Variants in PRKCE observed in about 807,000 individuals in gnomAD.
The protein encoded by PRKCE is protein kinase C epsilon type.
Under a neutral mutation model 85.4 loss-of-function variants are expected in PRKCE, and 16 were observed. The observed-to-expected ratio is 0.19, with a 90% CI of 0.13 to 0.28. PRKCE has a LOEUF of 0.28. PRKCE is among the 10% of genes least tolerant of loss of function. PRKCE has a pLI of 1.00. For missense variants in PRKCE, 573 were observed against 975.2 expected, an observed-to-expected ratio of 0.59 and a Z score of 5.49; for synonymous variants, 388 against 371.5, an observed-to-expected ratio of 1.04 and a Z score of -0.51.
At chr2:45,935,573 G>A (rs543433850) in intron 2 of PRKCE, among the ~76,000 whole-genome samples, 44 of 152,252 alleles carry the variant, frequency 2.9e-4, no homozygotes, top group African/African-American at 1.0e-3. Flanking sequence ...GATCACTTGA[G>A]GCCAGGAGTT....
intron 2 of PRKCE, among the ~76,000 whole-genome samples, chr2:45,885,874 T>C: frequency 6.6e-6 from 1 of 152,350 alleles, no homozygotes; most frequent in South Asian, 2.1e-4. Context: ...AATCTTATTT[T>C]AAGTGCACGA....
chr2:45,881,905 C>G (rs1019674571), intron 2 of PRKCE, among the ~76,000 whole-genome samples: 13 of 152,156 alleles, frequency 8.5e-5, no homozygotes, highest in Non-Finnish European at 5.9e-5. Flanking sequence ...TCGAAGACCC[C>G]TGGAGCATGT....
intron 2 of PRKCE, among the ~76,000 whole-genome samples, chr2:45,876,873 T>G (rs1238102154): frequency 6.6e-6 from 1 of 152,246 alleles, no homozygotes; most frequent in Non-Finnish European, 1.5e-5. Flanking sequence ...TGTAGCCTAA[T>G]CTGGCTTTTT....
chr2:46,153,978 G>A (rs866563350), intron 13 of PRKCE, among the ~76,000 whole-genome samples: 1 of 151,924 alleles, frequency 6.6e-6, no homozygotes, highest in East Asian at 1.9e-4. Context: ...GTAGAGGCAG[G>A]GTTTCACCGT....
chr2:45,868,927 C>T (rs1381472154), intron 2 of PRKCE, among the ~76,000 whole-genome samples: 2 of 146,012 alleles, frequency 1.4e-5, no homozygotes, highest in Non-Finnish European at 3.0e-5. Context: ...CACTGCACTC[C>T]AGCCTGAGTG....
At chr2:46,028,153 G>A (rs549217182) in intron 10 of PRKCE, among the ~76,000 whole-genome samples, 1 of 152,114 alleles carries the variant, frequency 6.6e-6, no homozygotes, top group Non-Finnish European at 1.5e-5. Flanking sequence ...TGCTGGCCAG[G>A]CCGGTCTCAA....
At chr2:46,161,950 T>A (rs1353291668) in intron 14 of PRKCE, among the ~76,000 whole-genome samples, 3 of 151,238 alleles carry the variant, frequency 2.0e-5, no homozygotes, top group Non-Finnish European at 4.4e-5. Flanking sequence ...AGAACAGGGG[T>A]GAGGTGAACA....
chr2:45,835,963 C>G (rs548339371), intron 1 of PRKCE, among the ~76,000 whole-genome samples: 19 of 152,236 alleles, frequency 1.2e-4, no homozygotes, highest in Admixed American at 2.6e-4. Context: ...ATTCATTTAC[C>G]TGTTGTTGGA....
intron 2 of PRKCE, among the ~76,000 whole-genome samples, chr2:45,893,058 T>A (rs1695855596): frequency 1.3e-5 from 2 of 152,182 alleles, no homozygotes; most frequent in Admixed American, 1.3e-4. Flanking sequence ...ATGGGCTGAC[T>A]GTTTGCGACC....
intron 14 of PRKCE, chr2:46,167,982 A>G (rs1340570068): frequency 2.6e-5 from 4 of 152,084 alleles, no homozygotes; most frequent in Non-Finnish European, 5.9e-5. Flanking sequence ...TGGACAAGTG[A>G]TTTCGCCATT....
intron 1 of PRKCE, among the ~76,000 whole-genome samples, chr2:45,833,294 G>C (rs1690589864): frequency 6.6e-6 from 1 of 152,158 alleles, no homozygotes; most frequent in African/African-American, 2.4e-5. Context: ...CTGAGTTCCT[G>C]ACCGAGCTTG....
intron 1 of PRKCE, among the ~76,000 whole-genome samples, chr2:45,680,421 C>T (rs1440575676): frequency 2.0e-5 from 3 of 152,220 alleles, no homozygotes; most frequent in South Asian, 2.1e-4. Flanking sequence ...CCTAAATATT[C>T]GCTAACCTGT....
intron 1 of PRKCE, among the ~76,000 whole-genome samples, chr2:45,744,475 TTCTTTC>T (rs1682918403): frequency 1.8e-5 from 1 of 56,418 alleles, no homozygotes; most frequent in Non-Finnish European, 3.6e-5. Flanking sequence ...CTTTCTTTCT[TTCTTTC>T]TTTCTTTTTC....
Position 45,773,104 on chromosome 2 carries a change from C to T in PRKCE, c.349-69896C>T, listed in dbSNP as rs150642040. Among the ~76,000 whole-genome samples, 533 of 152,260 alleles carry T rather than the reference C, an allele frequency of 3.5e-3. 7 individuals are homozygous for T. The highest frequency in any genetic ancestry group is 0.012 in the African/African-American group (491 of 41,534). ...TTAGGCACTGGCTGCATAGCCCCTCCGAGGGGCTTTTGAGCAGGACCTCTC... is the reference window on the plus strand; with the variant it reads ...TTAGGCACTGGCTGCATAGCCCCTCTGAGGGGCTTTTGAGCAGGACCTCTC... On this transcript the variant is annotated intron_variant, in intron 1 of 14. Transcript: ENST00000306156.
At chr2:45,992,188 G>A (rs1703855553) in intron 6 of PRKCE, among the ~76,000 whole-genome samples, 2 of 152,078 alleles carry the variant, frequency 1.3e-5, no homozygotes, top group Admixed American at 6.6e-5. Context: ...CCACAGGAGT[G>A]CTTTGGTTGA....
Position 45,652,484 on chromosome 2 carries a change from G to T in PRKCE, c.348+36G>T. ...CGCCTCCCCGTCATTCCGGGAACCC[G>T]GTTGTGGGGTCCCGGGGAAAGACTC... On this transcript the variant is annotated intron_variant, in intron 1 of 14. Transcript: ENST00000306156. This position sits in a 1 kb window ranked among gnomAD's most constrained non-coding sequence, Gnocchi z 7.7. 2.6e-6 allele frequency: 4 copies of T among 1,538,698 alleles called. No homozygotes were observed. Among genetic ancestry groups the T allele is most frequent in the South Asian group, 1.2e-5 (1 of 85,336 alleles).
At chr2:45,989,302 A>G (rs1229872744) in intron 6 of PRKCE, among the ~76,000 whole-genome samples, 1 of 152,316 alleles carries the variant, frequency 6.6e-6, no homozygotes, top group South Asian at 2.1e-4. Context: ...TCTCTGACAC[A>G]CATCTTAATA....
chr2:45,682,610 G>C (rs141141339), intron 1 of PRKCE, among the ~76,000 whole-genome samples: 2,342 of 151,706 alleles, frequency 0.015, 54 homozygotes, highest in African/African-American at 0.052. Context: ...TTTTGAGATG[G>C]AGTTTCACTC....
At chr2:46,179,736 A>C (rs376798606) in intron 14 of PRKCE, among the ~76,000 whole-genome samples, 76 of 152,194 alleles carry the variant, frequency 5.0e-4, no homozygotes, top group African/African-American at 1.8e-3. Context: ...GGGAGAAGAA[A>C]TTTCATTAAT....
Sources: allele counts gnomAD v4.1 joint callset (sites outside exome capture counted in the v4.1 genomes callset), GRCh38; gene constraint gnomAD v4.1.1; non-coding constraint Gnocchi (gnomAD v3.1); transcripts MANE v1.5; gene names NCBI Gene and HGNC (gene_info 2026-07-23, HGNC 2026-07-21).